HIPK2: variants seen among roughly 807,000 people sequenced by gnomAD.
HIPK2 encodes homeodomain-interacting protein kinase 2.
In HIPK2, 27 loss-of-function variants were observed where a neutral mutation model predicts 113.7. The ratio of observed to expected loss-of-function variants is 0.24; its 90% CI spans 0.17 to 0.33. HIPK2 has a LOEUF of 0.33. HIPK2 is among the 10% of genes least tolerant of loss of function. The pLI, the probability that HIPK2 is intolerant of heterozygous loss-of-function variation, is 1.00. For synonymous variants in HIPK2, 631 were observed against 642.2 expected (o/e 0.98, Z 0.26); for missense variants, 1,257 against 1,588.0 (o/e 0.79, Z 3.54).
chr7:139,704,944 C>T (rs1038604279), intron 2 of HIPK2, among the ~76,000 whole-genome samples: 2 of 152,182 alleles, frequency 1.3e-5, no homozygotes, highest in Admixed American at 6.5e-5. Flanking sequence ...AAGATCTGTC[C>T]TCCTCCCTCT....
At chr7:139,735,959 G>A (rs553070486) in intron 1 of HIPK2, among the ~76,000 whole-genome samples, 39 of 152,362 alleles carry the variant, frequency 2.6e-4, no homozygotes, top group African/African-American at 9.1e-4. Context: ...AACCATGCCT[G>A]TGGTTGAGGG....
chr7:139,747,725 T>G (rs1796212592), intron 1 of HIPK2, among the ~76,000 whole-genome samples: 1 of 152,216 alleles, frequency 6.6e-6, no homozygotes, highest in Non-Finnish European at 1.5e-5. Context: ...TCCTGTGGCC[T>G]CCACTGGATA....
At chr7:139,674,459 C>T (rs1279252612) in intron 2 of HIPK2, among the ~76,000 whole-genome samples, 1 of 152,174 alleles carries the variant, frequency 6.6e-6, no homozygotes, top group African/African-American at 2.4e-5. Flanking sequence ...GGATGAGATG[C>T]GTGCTGAGCC....
At chr7:139,639,062 C>A (rs1054603092) in intron 2 of HIPK2, among the ~76,000 whole-genome samples, 15 of 152,188 alleles carry the variant, frequency 9.9e-5, no homozygotes, top group Non-Finnish European at 1.9e-4. Context: ...CAGCCTGGCA[C>A]ACAGAAGCTG....
chr7:139,633,723 T>A (rs1585304655), intron 2 of HIPK2, among the ~76,000 whole-genome samples: 1 of 151,208 alleles, frequency 6.6e-6, no homozygotes, highest in Non-Finnish European at 1.5e-5. Context: ...GGTGGGAGGA[T>A]CACTTGAGGT....
Position 139,564,229 on chromosome 7 carries a change from T to A in HIPK2, c.*8698A>T, listed in dbSNP as rs1217174689. 9.8e-6 allele frequency: 3 copies of A among 306,788 alleles called. No individual in the cohort carries two copies. The highest frequency in any genetic ancestry group is 6.4e-5 in the African/African-American group (3 of 46,758). 19.0% of individuals were successfully genotyped at this position (306,788 alleles called of 1,614,324 possible). ...AAACGAATAAATGACAGCAGATATA[T>A]GGAAAACCCAGCCAGCGACCATGGG... On this transcript the variant is annotated 3_prime_UTR_variant, in exon 15 of 15. Transcript: ENST00000406875.
chr7:139,632,493 C>A (rs1476232882), intron 2 of HIPK2, among the ~76,000 whole-genome samples: 3 of 152,158 alleles, frequency 2.0e-5, no homozygotes, highest in Non-Finnish European at 4.4e-5. Flanking sequence ...TTAGAAGTTA[C>A]CTAATATTAC....
intron 1 of HIPK2, among the ~76,000 whole-genome samples, chr7:139,751,979 G>A (rs564621306): frequency 6.6e-6 from 1 of 152,240 alleles, no homozygotes; most frequent in Admixed American, 6.5e-5. Context: ...AAAGGAGGGA[G>A]GAAGGCAGGC....
intron 2 of HIPK2, among the ~76,000 whole-genome samples, chr7:139,638,904 G>A (rs536204333): frequency 3.9e-5 from 6 of 152,210 alleles, no homozygotes; most frequent in African/African-American, 9.6e-5. Context: ...TGATCCGCCC[G>A]CCTCGGCCTC....
At chr7:139,646,325 G>A (rs1424065892) in intron 2 of HIPK2, among the ~76,000 whole-genome samples, 1 of 151,780 alleles carries the variant, frequency 6.6e-6, no homozygotes, top group Non-Finnish European at 1.5e-5. Flanking sequence ...GTAAGACTCC[G>A]TCCCTACAAA....
At chr7:139,695,143 C>G (rs1407274797) in intron 2 of HIPK2, among the ~76,000 whole-genome samples, 3 of 152,222 alleles carry the variant, frequency 2.0e-5, no homozygotes, top group African/African-American at 7.2e-5. Context: ...CAAACACCAT[C>G]TCCATGAAAA....
intron 1 of HIPK2, among the ~76,000 whole-genome samples, chr7:139,768,962 G>A (rs1489411384): frequency 6.6e-6 from 1 of 152,180 alleles, no homozygotes; most frequent in Non-Finnish European, 1.5e-5. Flanking sequence ...ATGTGTCAAA[G>A]ACTGAATAAT....
At chr7:139,687,897 G>C (rs745647629) in intron 2 of HIPK2, among the ~76,000 whole-genome samples, 5 of 152,178 alleles carry the variant, frequency 3.3e-5, no homozygotes, top group Non-Finnish European at 7.4e-5. Flanking sequence ...GAGATGAGAG[G>C]AGATGAAATT....
chr7:139,763,248 G>A (rs772290861), intron 1 of HIPK2, among the ~76,000 whole-genome samples: 2 of 152,222 alleles, frequency 1.3e-5, no homozygotes, highest in Admixed American at 6.5e-5. Context: ...ATGGAAAGCA[G>A]TTGGACATCT....
chr7:139,663,241 C>A (rs774371810), intron 2 of HIPK2, among the ~76,000 whole-genome samples: 6 of 152,232 alleles, frequency 3.9e-5, no homozygotes, highest in Non-Finnish European at 7.3e-5. Flanking sequence ...CTTCTTTATA[C>A]GACATTCATT....
At chr7:139,686,634 G>T (rs1794230421) in intron 2 of HIPK2, among the ~76,000 whole-genome samples, 1 of 152,196 alleles carries the variant, frequency 6.6e-6, no homozygotes, top group Admixed American at 6.5e-5. Context: ...GGATGTGTTT[G>T]CTTCACCTTC....
intron 2 of HIPK2, among the ~76,000 whole-genome samples, chr7:139,632,355 C>T (rs182843028): frequency 5.1e-4 from 78 of 152,338 alleles, no homozygotes; most frequent in African/African-American, 1.8e-3. Flanking sequence ...AACAAGCTGT[C>T]CCCTTCCCAA....
Position 139,620,807 on chromosome 7 carries a change from T to G in HIPK2, c.1620-244A>C, listed in dbSNP as rs186696762. Among the ~76,000 whole-genome samples, 386 of 152,284 alleles carry G rather than the reference T, an allele frequency of 2.5e-3. 2 individuals carry two copies. Among genetic ancestry groups the G allele is most frequent in the African/African-American group, 8.9e-3 (371 of 41,558 alleles). ...CCTACTACCCTTTCTCCATATAGGTTCTATATATCACAACAAAACTGACTG... is the reference window on the plus strand; with the variant it reads ...CCTACTACCCTTTCTCCATATAGGTGCTATATATCACAACAAAACTGACTG... On this transcript the variant is annotated intron_variant, in intron 6 of 14. Coordinates refer to ENST00000406875, the MANE Select transcript of HIPK2 (RefSeq NM_022740.5).
chr7:139,671,034 T>G (rs1243094050), intron 2 of HIPK2, among the ~76,000 whole-genome samples: 2 of 152,156 alleles, frequency 1.3e-5, no homozygotes, highest in African/African-American at 4.8e-5. Context: ...GTGCTGGGAT[T>G]ACAGGTGTAA....
Sources: gnomAD v4.1 joint callset for allele counts (sites outside exome capture counted in the v4.1 genomes callset) on GRCh38, gnomAD v4.1.1 for gene constraint, MANE v1.5 for transcripts, NCBI Gene and HGNC (gene_info 2026-07-23, HGNC 2026-07-21) for gene names.